Variants in ANKS1B observed in about 807,000 individuals in gnomAD.
The protein encoded by ANKS1B is ankyrin repeat and sterile alpha motif domain containing 1B.
Under a neutral mutation model 148.3 loss-of-function variants are expected in ANKS1B, and 36 were observed. That is an observed-to-expected ratio of 0.24 (90% confidence interval 0.19 to 0.32). The LOEUF (loss-of-function observed/expected upper bound fraction) is 0.32, where lower values mean the gene tolerates loss of function less well. Ranked by LOEUF, ANKS1B falls within the 10% of genes least tolerant of loss-of-function variation. The probability of loss-of-function intolerance (pLI) is 1.00; values close to 1 mark genes in which losing one functional copy is unlikely to be tolerated. For missense variants in ANKS1B, 1,157 were observed against 1,542.6 expected (o/e 0.75, Z 4.19); for synonymous variants, 542 against 560.8 (o/e 0.97, Z 0.47).
intron 12 of ANKS1B, among the ~76,000 whole-genome samples, chr12:99,290,664 GA>G (rs1293357423): frequency 6.6e-6 from 1 of 151,496 alleles, no homozygotes; most frequent in African/African-American, 2.4e-5. Flanking sequence ...AGAATAAAGG[GA>G]AAAAAACATA....
At chr12:99,878,717 G>T (rs1441081459) in intron 1 of ANKS1B, among the ~76,000 whole-genome samples, 1 of 151,986 alleles carries the variant, frequency 6.6e-6, no homozygotes, top group Non-Finnish European at 1.5e-5. Context: ...TGTTACATTG[G>T]TATTATTTTT....
rs2097678705 is a variant in ANKS1B at position 99,589,554 on chromosome 12, T to C, written c.1272+65513A>G. On this transcript the variant is annotated intron_variant, in intron 9 of 26. Transcript: ENST00000683438. ...ACCTGGTAAAATTACCTAAATTATG[T>C]CTTAATGAAGTATAACTTAACTTTC... 2.0e-5 allele frequency among the ~76,000 whole-genome samples: 3 copies of C among 152,122 alleles called. No homozygotes were observed. The South Asian group carries it at 6.2e-4, about 32-fold the overall frequency.
At chr12:99,553,751 T>C (rs181138111) in intron 9 of ANKS1B, among the ~76,000 whole-genome samples, 221 of 152,312 alleles carry the variant, frequency 1.5e-3, no homozygotes, top group African/African-American at 4.7e-3. Context: ...AAAGGCACCT[T>C]GATTTTTATT....
intron 14 of ANKS1B, among the ~76,000 whole-genome samples, chr12:99,214,237 G>A (rs1764464977): frequency 6.6e-6 from 1 of 152,140 alleles, no homozygotes; most frequent in African/African-American, 2.4e-5. Flanking sequence ...TTTAAAAAAA[G>A]TTTAAGCGTA....
rs375225215 is a variant in ANKS1B, at chr12:99,356,456, C to T, written c.1756+43175G>A. 3.9e-5 allele frequency among the ~76,000 whole-genome samples: 6 copies of T among 152,262 alleles called. No individual in the cohort carries two copies. In the South Asian group the frequency reaches 8.3e-4, roughly 21 times the overall value. On this transcript the variant is annotated intron_variant, in intron 12 of 26. Coordinates refer to ENST00000683438, the MANE Select transcript of ANKS1B (RefSeq NM_001352186.2). ...GCAGTTGCTGTTTACACTGAGGAGC[C>T]TGCTGAGAGAGCATGCCAGCATCAG...
intron 22 of ANKS1B, among the ~76,000 whole-genome samples, chr12:98,789,069 G>A (rs2098823542): frequency 6.6e-6 from 1 of 152,246 alleles, no homozygotes; most frequent in Non-Finnish European, 1.5e-5. Context: ...TTGGCCGGGT[G>A]TAGTGGCTCA....
intron 20 of ANKS1B, 138 bp downstream of exon 20, chr12:98,807,706 G>T: frequency 1.8e-6 from 1 of 561,496 alleles, no homozygotes; most frequent in South Asian, 3.2e-5. Flanking sequence ...AAGTATAATA[G>T]ACAAAGAGTC....
At chr12:99,483,482 G>C (rs1302191114) in intron 10 of ANKS1B, among the ~76,000 whole-genome samples, 2 of 151,756 alleles carry the variant, frequency 1.3e-5, no homozygotes, top group African/African-American at 4.8e-5. Context: ...GTCCTTCCTG[G>C]TTTGGGCATC....
chr12:98,861,479 G>A (rs949176391), intron 17 of ANKS1B, among the ~76,000 whole-genome samples: 4 of 152,186 alleles, frequency 2.6e-5, no homozygotes, highest in African/African-American at 9.7e-5. Context: ...CCTTCTTGGG[G>A]AGAAACAGAA....
At chr12:99,464,941 A>T (rs1233323469) in intron 10 of ANKS1B, among the ~76,000 whole-genome samples, 2 of 152,220 alleles carry the variant, frequency 1.3e-5, no homozygotes, top group Non-Finnish European at 2.9e-5. Context: ...AATACAGAGA[A>T]CACCACAAAG....
At chr12:99,034,831 G>A (rs1329301745) in intron 17 of ANKS1B, among the ~76,000 whole-genome samples, 2 of 152,290 alleles carry the variant, frequency 1.3e-5, no homozygotes, top group South Asian at 2.1e-4. Flanking sequence ...CAGTGCAGAG[G>A]TGAGCACGTG....
intron 10 of ANKS1B, among the ~76,000 whole-genome samples, chr12:99,484,744 G>A (rs554055500): frequency 2.5e-4 from 36 of 144,260 alleles, no homozygotes; most frequent in African/African-American, 8.2e-4. Flanking sequence ...TATAGTGACC[G>A]TCTTTGTGTG....
At chr12:99,060,653 T>TCACACACACACACACACACA (rs35515489) in intron 16 of ANKS1B, among the ~76,000 whole-genome samples, 11 of 126,036 alleles carry the variant, frequency 8.7e-5, no homozygotes, top group African/African-American at 3.3e-4. Flanking sequence ...TATATACACA[T>TCACACACACACACACACACA]CACACACACA....
chr12:99,191,266 C>T (rs1477497912), intron 14 of ANKS1B, among the ~76,000 whole-genome samples: 1 of 152,110 alleles, frequency 6.6e-6, no homozygotes, highest in Non-Finnish European at 1.5e-5. Context: ...ATGAGTTCAA[C>T]CATTGTGGAA....
At position 98,745,293 on chromosome 12, in the gene ANKS1B, AG is replaced by A; in HGVS notation, c.*445del. On this transcript the variant is annotated 3_prime_UTR_variant, in exon 27 of 27. Coordinates refer to ENST00000683438, the MANE Select transcript of ANKS1B (RefSeq NM_001352186.2). ...ATTTTACAGATGCTTTGGAGGTGGG[AG>A]GGGTAGTGCTGCTCTGATTTCACCT... 1 of 981,422 alleles carries A rather than the reference AG, an allele frequency of 1.0e-6. No individual in the cohort carries two copies. The highest frequency in any genetic ancestry group is 5.2e-4 in the Middle Eastern group (1 of 1,910). The allele number at this position is 981,422 out of a possible 1,614,324, so 60.8% of individuals were successfully genotyped here.
intron 15 of ANKS1B, among the ~76,000 whole-genome samples, chr12:99,110,638 G>A (rs145489094): frequency 6.6e-6 from 1 of 152,132 alleles, no homozygotes; most frequent in Admixed American, 6.5e-5. Flanking sequence ...ATATGAAGCA[G>A]GAAGTTTCTC....
At chr12:99,769,272 A>C (rs2062973437) in intron 8 of ANKS1B, among the ~76,000 whole-genome samples, 1 of 152,136 alleles carries the variant, frequency 6.6e-6, no homozygotes, top group Non-Finnish European at 1.5e-5. Context: ...AGTAGTATGG[A>C]TGTTAGACCT....
chr12:99,304,718 T>C (rs1602629063), intron 12 of ANKS1B, among the ~76,000 whole-genome samples: 1 of 152,164 alleles, frequency 6.6e-6, no homozygotes, highest in African/African-American at 2.4e-5. Context: ...GATCTCTGTT[T>C]ATCATAGGCT....
intron 23 of ANKS1B, chr12:98,781,498 C>A (rs2098735979): frequency 2.0e-6 from 1 of 509,920 alleles, no homozygotes; most frequent in Non-Finnish European, 3.8e-6. Context: ...ACTTCTTTTC[C>A]CTGACACTAA....
Sources: allele counts gnomAD v4.1 joint callset (sites outside exome capture counted in the v4.1 genomes callset), GRCh38; gene constraint gnomAD v4.1.1; transcripts MANE v1.5; gene names NCBI Gene and HGNC (gene_info 2026-07-23, HGNC 2026-07-21).